The following FBXL17 variants were observed in gnomAD, a reference collection of about 807,000 sequenced individuals.
FBXL17 encodes the protein F-box and leucine rich repeat protein 17, also known as F-box/LRR-repeat protein 17.
In FBXL17, 22 loss-of-function variants were observed where a neutral mutation model predicts 66.2. The observed-to-expected ratio is 0.33, with a 90% CI of 0.24 to 0.47. FBXL17 has a LOEUF of 0.47. FBXL17 is among the 20% of genes least tolerant of loss of function. FBXL17 has a pLI of 1.00. For missense variants in FBXL17, 878 were observed against 948.2 expected, an observed-to-expected ratio of 0.93 and a Z score of 0.97; for synonymous variants, 474 against 400.5, an observed-to-expected ratio of 1.18 and a Z score of -2.19.
intron 7 of FBXL17, among the ~76,000 whole-genome samples, chr5:107,943,027 A>G (rs1365468448): frequency 1.3e-5 from 2 of 152,080 alleles, no homozygotes; most frequent in African/African-American, 4.8e-5. Flanking sequence ...TCCTTTGTGG[A>G]ATGCTCCTTG....
At chr5:107,928,209 A>G (rs1001163854) in intron 7 of FBXL17, among the ~76,000 whole-genome samples, 5 of 152,080 alleles carry the variant, frequency 3.3e-5, no homozygotes, top group Admixed American at 6.6e-5. Flanking sequence ...TAGGACTCCT[A>G]TGGGGCCTGC....
At chr5:107,959,486 C>T (rs537275575) in intron 7 of FBXL17, among the ~76,000 whole-genome samples, 2 of 151,944 alleles carry the variant, frequency 1.3e-5, no homozygotes, top group African/African-American at 2.4e-5. Context: ...CACCTGCCTT[C>T]GCCTGGTTCT....
chr5:107,954,969 T>C (rs1751613731), intron 7 of FBXL17, among the ~76,000 whole-genome samples: 4 of 152,150 alleles, frequency 2.6e-5, no homozygotes, highest in Admixed American at 2.6e-4. Flanking sequence ...ATCTTGTTAA[T>C]TTACTGACAC....
chr5:108,208,445 G>C (rs1754222923), intron 5 of FBXL17, among the ~76,000 whole-genome samples: 1 of 152,144 alleles, frequency 6.6e-6, no homozygotes. Flanking sequence ...ATGGACCTAG[G>C]TCTTACGTTT....
chr5:108,188,238 C>G (rs565517414), intron 5 of FBXL17, among the ~76,000 whole-genome samples: 18 of 152,246 alleles, frequency 1.2e-4, no homozygotes, highest in Admixed American at 9.8e-4. Context: ...TCAATGCTCT[C>G]TGAAGCATGC....
chr5:108,176,978 A>G (rs921445368), intron 6 of FBXL17, among the ~76,000 whole-genome samples: 1 of 152,202 alleles, frequency 6.6e-6, no homozygotes, highest in Non-Finnish European at 1.5e-5. Context: ...ATTTCTTGCC[A>G]AAGGTACTGA....
intron 7 of FBXL17, among the ~76,000 whole-genome samples, chr5:108,018,346 G>C (rs1015654964): frequency 2.0e-5 from 3 of 152,136 alleles, no homozygotes; most frequent in Non-Finnish European, 4.4e-5. Context: ...AATAGGGTAG[G>C]GGGGACACAG....
At chr5:108,068,623 T>G (rs1748210345) in intron 6 of FBXL17, among the ~76,000 whole-genome samples, 1 of 152,008 alleles carries the variant, frequency 6.6e-6, no homozygotes, top group Admixed American at 6.6e-5. Context: ...GCCCAGCTAA[T>G]TTTTTGTATT....
intron 7 of FBXL17, among the ~76,000 whole-genome samples, chr5:107,998,315 T>C (rs1419758706): frequency 1.3e-5 from 2 of 152,176 alleles, no homozygotes; most frequent in African/African-American, 2.4e-5. Flanking sequence ...TTGCTAACAA[T>C]AAGAATGAAA....
At chr5:108,224,651 G>A (rs1255435618) in intron 4 of FBXL17, among the ~76,000 whole-genome samples, 3 of 152,074 alleles carry the variant, frequency 2.0e-5, no homozygotes, top group African/African-American at 7.2e-5. Flanking sequence ...GAGTGCAGTG[G>A]CACAATCTCG....
At chr5:108,119,557 G>A (rs1041586750) in intron 6 of FBXL17, among the ~76,000 whole-genome samples, 4 of 152,160 alleles carry the variant, frequency 2.6e-5, no homozygotes, top group Non-Finnish European at 5.9e-5. Flanking sequence ...AAAACTCAAT[G>A]AAGAAAGTTC....
intron 6 of FBXL17, among the ~76,000 whole-genome samples, chr5:108,043,076 T>C (rs1167241290): frequency 2.6e-5 from 4 of 152,222 alleles, no homozygotes; most frequent in Non-Finnish European, 5.9e-5. Context: ...AACTGGCTTG[T>C]TTTTAATTAT....
chr5:108,314,369 A>C (rs1331572141), intron 4 of FBXL17, among the ~76,000 whole-genome samples: 6 of 151,894 alleles, frequency 4.0e-5, no homozygotes, highest in Middle Eastern at 3.4e-3. Context: ...CAAAGACTAG[A>C]TATATAAGAA....
chr5:107,876,844 A>G (rs563797504), intron 8 of FBXL17, among the ~76,000 whole-genome samples: 44 of 152,314 alleles, frequency 2.9e-4, no homozygotes, highest in African/African-American at 1.1e-3. Flanking sequence ...AATTTCTACG[A>G]CCAAAGCCGC....
intron 7 of FBXL17, among the ~76,000 whole-genome samples, chr5:107,975,009 T>C (rs1264895278): frequency 6.6e-6 from 1 of 152,204 alleles, no homozygotes; most frequent in Non-Finnish European, 1.5e-5. Context: ...ATCATTTATT[T>C]ATATCAAAAG....
chr5:108,355,990 TCTA>T, intron 3 of FBXL17, among the ~76,000 whole-genome samples: 1 of 152,272 alleles, frequency 6.6e-6, no homozygotes, highest in South Asian at 2.1e-4. Flanking sequence ...CTACAAGAAA[TCTA>T]CTTTAAATAG....
At chr5:108,190,054 T>G (rs1462771068) in intron 5 of FBXL17, among the ~76,000 whole-genome samples, 1 of 152,174 alleles carries the variant, frequency 6.6e-6, no homozygotes, top group Admixed American at 6.5e-5. Context: ...ACTAGTGAGA[T>G]GATAAATGTA....
intron 6 of FBXL17, among the ~76,000 whole-genome samples, chr5:108,125,828 A>G (rs1750675849): frequency 6.6e-6 from 1 of 152,110 alleles, no homozygotes; most frequent in African/African-American, 2.4e-5. Flanking sequence ...ATATTCAATT[A>G]TCATTCAAAA....
intron 6 of FBXL17, among the ~76,000 whole-genome samples, chr5:108,096,272 C>T (rs950408838): frequency 6.6e-6 from 1 of 152,162 alleles, no homozygotes; most frequent in African/African-American, 2.4e-5. Context: ...GCCATTAATT[C>T]ATTATCAATA....
Sources: gnomAD v4.1 joint callset for allele counts (sites outside exome capture counted in the v4.1 genomes callset) on GRCh38, gnomAD v4.1.1 for gene constraint, MANE v1.5 for transcripts, NCBI Gene and HGNC (gene_info 2026-07-23, HGNC 2026-07-21) for gene names.